The following GALNTL6 variants were observed in gnomAD, a reference collection of about 807,000 sequenced individuals.
GALNTL6 encodes polypeptide N-acetylgalactosaminyltransferase like 6.
GALNTL6 carries 46 observed loss-of-function variants against 73.7 expected under a neutral mutation model. That is an observed-to-expected ratio of 0.62 (90% CI 0.49 to 0.80). The LOEUF (loss-of-function observed/expected upper bound fraction) is 0.80. GALNTL6 is among the 30% of genes least tolerant of loss of function. The pLI, the probability that GALNTL6 is intolerant of heterozygous loss-of-function variation, is 0.00. For missense variants in GALNTL6, 604 were observed against 755.0 expected, an observed-to-expected ratio of 0.80 and a Z score of 2.34; for synonymous variants, 259 against 263.7, an observed-to-expected ratio of 0.98 and a Z score of 0.17.
intron 11 of GALNTL6, among the ~76,000 whole-genome samples, chr4:173,019,012 G>T (rs1752888621): frequency 6.6e-6 from 1 of 152,164 alleles, no homozygotes; most frequent in East Asian, 1.9e-4. Context: ...CATTGCAAGA[G>T]CTATTGAGAG....
chr4:172,366,534 A>G (rs1742567937), intron 5 of GALNTL6, among the ~76,000 whole-genome samples: 1 of 152,152 alleles, frequency 6.6e-6, no homozygotes, highest in South Asian at 2.1e-4. Context: ...GAGGAGACTT[A>G]TGAAAGGTCT....
intron 2 of GALNTL6, among the ~76,000 whole-genome samples, chr4:172,093,689 G>C (rs1732271650): frequency 6.6e-6 from 1 of 152,160 alleles, no homozygotes; most frequent in South Asian, 2.1e-4. Context: ...TCTCATGGGA[G>C]CATGAAACCT....
chr4:172,809,770 T>C lies in GALNTL6; in HGVS notation c.739+224T>C, dbSNP rs1741185327. ...AATTGGCATTTTAAATAATATCAAC[T>C]TCAATCTAACTTACAGTTTAGAAAA... On this transcript the variant is annotated intron_variant, in intron 6 of 12. Transcript: ENST00000506823. The surrounding 1 kb of genome is among the most constrained non-coding windows in gnomAD (Gnocchi z 4.4). 6.6e-6 allele frequency among the ~76,000 whole-genome samples: 1 copy of C among 152,160 alleles called. No homozygotes were observed. The highest frequency in any genetic ancestry group is 1.5e-5 in the Non-Finnish European group (1 of 68,018).
intron 5 of GALNTL6, among the ~76,000 whole-genome samples, chr4:172,402,820 GA>G (rs1744089594): frequency 6.6e-6 from 1 of 152,010 alleles, no homozygotes; most frequent in East Asian, 1.9e-4. Flanking sequence ...AGTTGAGGGT[GA>G]AAAGGAACAA....
intron 7 of GALNTL6, among the ~76,000 whole-genome samples, chr4:172,820,117 G>A (rs1741839906): frequency 6.6e-6 from 1 of 152,216 alleles, no homozygotes; most frequent in African/African-American, 2.4e-5. Flanking sequence ...TGTGAGTAAG[G>A]CTAAGATCAA....
intron 2 of GALNTL6, among the ~76,000 whole-genome samples, chr4:172,220,494 C>T (rs965707941): frequency 6.6e-6 from 1 of 151,698 alleles, no homozygotes; most frequent in African/African-American, 2.4e-5. Flanking sequence ...ATATCCCCTT[C>T]CCTATGTCTC....
At chr4:171,928,704 G>A (rs935289291) in intron 2 of GALNTL6, among the ~76,000 whole-genome samples, 2 of 152,132 alleles carry the variant, frequency 1.3e-5, no homozygotes, top group Admixed American at 6.5e-5. Context: ...CCCTTTCTAT[G>A]TTTAGATAGG....
intron 5 of GALNTL6, among the ~76,000 whole-genome samples, chr4:172,358,878 A>G (rs1008221133): frequency 7.0e-6 from 1 of 142,358 alleles, no homozygotes; most frequent in Non-Finnish European, 1.5e-5. Context: ...AAAAAAAAAA[A>G]AAAACAGAGG....
At chr4:172,176,073 C>T (rs770475873) in intron 2 of GALNTL6, among the ~76,000 whole-genome samples, 16 of 152,090 alleles carry the variant, frequency 1.1e-4, no homozygotes, top group Non-Finnish European at 2.2e-4. Context: ...GGCGCGGTGG[C>T]TCACGCCTGT....
chr4:172,337,048 A>G (rs1349429560), intron 4 of GALNTL6, among the ~76,000 whole-genome samples: 1 of 151,886 alleles, frequency 6.6e-6, no homozygotes, highest in East Asian at 1.9e-4. Context: ...TTTTGCTGTC[A>G]TTGGTTTAAA....
chr4:172,207,981 G>A (rs1736199549), intron 2 of GALNTL6, among the ~76,000 whole-genome samples: 1 of 152,148 alleles, frequency 6.6e-6, no homozygotes, highest in African/African-American at 2.4e-5. Flanking sequence ...TTCTTAAAGG[G>A]ACAATCACTG....
intron 2 of GALNTL6, among the ~76,000 whole-genome samples, chr4:172,013,327 C>A (rs1741079904): frequency 6.6e-6 from 1 of 152,028 alleles, no homozygotes; most frequent in Admixed American, 6.6e-5. Flanking sequence ...CCATCTCTTT[C>A]CTCACCTTGA....
intron 2 of GALNTL6, among the ~76,000 whole-genome samples, chr4:171,877,949 C>T (rs1334449956): frequency 6.6e-6 from 1 of 152,182 alleles, no homozygotes; most frequent in Non-Finnish European, 1.5e-5. Context: ...AAATGAAACA[C>T]TCAAATCCAT....
intron 3 of GALNTL6, among the ~76,000 whole-genome samples, chr4:172,266,983 C>T (rs146287213): frequency 4.6e-5 from 7 of 152,086 alleles, no homozygotes; most frequent in East Asian, 1.9e-4. Flanking sequence ...AGATGGGGTC[C>T]GGGGAATTTT....
chr4:172,357,474 G>C (rs755151970), intron 5 of GALNTL6, among the ~76,000 whole-genome samples: 1 of 152,048 alleles, frequency 6.6e-6, no homozygotes, highest in Non-Finnish European at 1.5e-5. Context: ...CTGGATTAAG[G>C]GTAGAGGAGG....
At chr4:172,463,682 G>A (rs1475289491) in intron 5 of GALNTL6, among the ~76,000 whole-genome samples, 2 of 152,126 alleles carry the variant, frequency 1.3e-5, no homozygotes, top group Non-Finnish European at 2.9e-5. Flanking sequence ...AATGTGATGA[G>A]GGATATGAAG....
intron 2 of GALNTL6, among the ~76,000 whole-genome samples, chr4:172,172,334 A>T (rs567367730): frequency 6.6e-6 from 1 of 152,118 alleles, no homozygotes; most frequent in Admixed American, 6.5e-5. Flanking sequence ...GGTAGCTGGG[A>T]CTACAGGCAC....
intron 2 of GALNTL6, among the ~76,000 whole-genome samples, chr4:172,173,336 T>TG (rs1734893337): frequency 1.3e-5 from 2 of 152,172 alleles, no homozygotes; most frequent in South Asian, 4.1e-4. Flanking sequence ...GGCAGGGAAC[T>TG]GGGGGAGGAG....
At chr4:172,765,590 G>A (rs142084745) in intron 5 of GALNTL6, among the ~76,000 whole-genome samples, 1 of 152,230 alleles carries the variant, frequency 6.6e-6, no homozygotes, top group East Asian at 1.9e-4. Context: ...GCTCACCACT[G>A]TAAAATCTGA....
Sources: gnomAD v4.1 joint callset for allele counts (sites outside exome capture counted in the v4.1 genomes callset) on GRCh38, gnomAD v4.1.1 for gene constraint, Gnocchi (gnomAD v3.1) non-coding constraint, MANE v1.5 for transcripts, NCBI Gene and HGNC (gene_info 2026-07-23, HGNC 2026-07-21) for gene names.